Variants in EPRS1 observed in about 807,000 individuals in gnomAD.
EPRS1 encodes the protein glutamyl-prolyl-tRNA synthetase 1.
In EPRS1, 107 loss-of-function variants were observed where a neutral mutation model predicts 188.3. The observed-to-expected ratio is 0.57, with a 90% CI of 0.49 to 0.67. The LOEUF (loss-of-function observed/expected upper bound fraction) is 0.67. EPRS1 is among the 30% of genes least tolerant of loss of function. EPRS1 has a pLI of 0.00. For synonymous variants in EPRS1, 596 were observed against 593.1 expected, an observed-to-expected ratio of 1.00 and a Z score of -0.07; for missense variants, 1,577 against 1,802.2, an observed-to-expected ratio of 0.88 and a Z score of 2.26.
intron 30 of EPRS1, among the ~76,000 whole-genome samples, chr1:219,969,860 ACC>A (rs1189123709): frequency 6.6e-6 from 1 of 152,104 alleles, no homozygotes; most frequent in Non-Finnish European, 1.5e-5. Context: ...TTACTCTGTC[ACC>A]CAGGATGGAG....
chr1:219,971,693 GA>G (rs1281449197), intron 30 of EPRS1, among the ~76,000 whole-genome samples: 2 of 144,008 alleles, frequency 1.4e-5, no homozygotes, highest in African/African-American at 2.5e-5. Flanking sequence ...CAAACATGGG[GA>G]AAAAAAAACT....
At chr1:219,982,956 A>G in intron 22 of EPRS1, 112 bp from the exon 23 acceptor site, 2 of 953,764 alleles carry the variant, frequency 2.1e-6, no homozygotes, top group Non-Finnish European at 3.3e-6. Flanking sequence ...AATTTAGGCA[A>G]GTTAAAATAG....
At chr1:219,985,645 T>C (rs183117256) in intron 20 of EPRS1, among the ~76,000 whole-genome samples, 29 of 152,250 alleles carry the variant, frequency 1.9e-4, no homozygotes, top group Non-Finnish European at 2.8e-4. Flanking sequence ...CCTCAAGCGA[T>C]CCACCCATCC....
chr1:220,033,686 T>C, intron 3 of EPRS1, 28 bp from the exon 4 acceptor site: 2 of 1,545,502 alleles, frequency 1.3e-6, no homozygotes, highest in Non-Finnish European at 1.8e-6. Flanking sequence ...AGAAAAGAAA[T>C]GCATTCCAAC....
chr1:220,001,514 T>G (rs1661351331), intron 16 of EPRS1, among the ~76,000 whole-genome samples: 1 of 152,126 alleles, frequency 6.6e-6, no homozygotes, highest in South Asian at 2.1e-4. Context: ...ACCAGCCACA[T>G]GCCACCACAC....
At chr1:220,001,094 G>T in intron 17 of EPRS1, 44 bp downstream of exon 17, 2 of 1,061,758 alleles carry the variant, frequency 1.9e-6, no homozygotes, top group Non-Finnish European at 3.0e-6. Flanking sequence ...CCCTGGGATA[G>T]AAAGACCATT....
At chr1:219,971,297 T>C (rs951887272) in intron 30 of EPRS1, among the ~76,000 whole-genome samples, 19 of 152,326 alleles carry the variant, frequency 1.2e-4, no homozygotes, top group African/African-American at 3.6e-4. Flanking sequence ...TTCTTCTTTA[T>C]GAAACTTTAA....
In EPRS1 at chr1:219,996,453, A is replaced by T. The variant is rs115390368; in HGVS notation, c.2541+530T>A. On this transcript the variant is annotated intron_variant, in intron 18 of 31. Transcript: ENST00000366923. ...GTAGCATCTGCATCACCTGAGAAAC[A>T]TTTTAGAAATGCGTATTCTCCACGT... 5.4e-3 allele frequency among the ~76,000 whole-genome samples: 817 copies of T among 152,292 alleles called. 7 individuals are homozygous for T. The highest frequency in any genetic ancestry group is 0.019 in the African/African-American group (793 of 41,552).
intron 6 of EPRS1, among the ~76,000 whole-genome samples, chr1:220,027,589 CAAAAAAA>C (rs374947643): frequency 1.7e-4 from 13 of 78,562 alleles, no homozygotes; most frequent in Admixed American, 3.5e-4. Context: ...GAGGCTATGT[CAAAAAAA>C]AAAAAAAAAA....
At chr1:220,016,657 G>A (rs1290170556) in intron 12 of EPRS1, among the ~76,000 whole-genome samples, 4 of 129,296 alleles carry the variant, frequency 3.1e-5, no homozygotes, top group African/African-American at 5.9e-5. Context: ...AGGCTCAGGC[G>A]ATCCTCCTAC....
At chr1:220,017,882 AT>A (rs1388941533) in intron 12 of EPRS1, among the ~76,000 whole-genome samples, 1 of 152,218 alleles carries the variant, frequency 6.6e-6, no homozygotes, top group Non-Finnish European at 1.5e-5. Context: ...TACTTTTAGA[AT>A]TCTATGTCCT....
At chr1:219,996,622 A>G (rs1275643563) in intron 18 of EPRS1, among the ~76,000 whole-genome samples, 1 of 152,232 alleles carries the variant, frequency 6.6e-6, no homozygotes, top group Non-Finnish European at 1.5e-5. Context: ...TTGTTCCCCC[A>G]TAATGGCTGC....
intron 23 of EPRS1, 146 bp from the exon 24 acceptor site, chr1:219,981,603 T>C: frequency 2.0e-6 from 1 of 494,054 alleles, no homozygotes; most frequent in Non-Finnish European, 3.6e-6. Flanking sequence ...TGTAAATATA[T>C]TTCCAATGTT....
At chr1:219,980,003 C>T in intron 26 of EPRS1, 82 bp downstream of exon 26, 1 of 1,202,682 alleles carries the variant, frequency 8.3e-7, no homozygotes, top group Non-Finnish European at 1.2e-6. Flanking sequence ...GAGTCTACTT[C>T]TGTGATGACA....
chr1:220,032,298 G>T, intron 5 of EPRS1, 89 bp downstream of exon 5: 1 of 1,015,692 alleles, frequency 9.8e-7, no homozygotes, highest in Non-Finnish European at 1.4e-6. Flanking sequence ...GTGTTATTCA[G>T]GATGGTCTCA....
intron 7 of EPRS1, 52 bp downstream of exon 7, chr1:220,025,080 G>T (rs763408140): frequency 1.9e-6 from 3 of 1,556,028 alleles, no homozygotes; most frequent in Admixed American, 3.3e-5. Flanking sequence ...AGGTAATCCT[G>T]TAACTTTAAT....
chr1:220,046,267 G>C, intron 1 of EPRS1, 76 bp downstream of exon 1: 1 of 1,572,188 alleles, frequency 6.4e-7, no homozygotes, highest in Non-Finnish European at 8.7e-7. Flanking sequence ...GCAAAGCCGG[G>C]GCGCAGCGAC....
intron 13 of EPRS1, 124 bp downstream of exon 13, chr1:220,010,822 A>AGAAAG (rs111370390): frequency 8.7e-6 from 4 of 462,194 alleles, no homozygotes; most frequent in African/African-American, 4.5e-5. Context: ...AAAAAAAAAA[A>AGAAAG]AAAGAAAGAA....
At chr1:220,025,521 T>C (rs1376839603) in intron 6 of EPRS1, among the ~76,000 whole-genome samples, 1 of 152,012 alleles carries the variant, frequency 6.6e-6, no homozygotes, top group African/African-American at 2.4e-5. Context: ...TTTACAAACA[T>C]TGCAACCTTA....
Sources: gnomAD v4.1 joint callset for allele counts (sites outside exome capture counted in the v4.1 genomes callset) on GRCh38, gnomAD v4.1.1 for gene constraint, MANE v1.5 for transcripts, NCBI Gene and HGNC (gene_info 2026-07-23, HGNC 2026-07-21) for gene names.